MYH11: variants seen among roughly 807,000 people sequenced by gnomAD.
MYH11 encodes myosin-11.
MYH11 carries 80 observed loss-of-function variants against 246.6 expected under a neutral mutation model. The ratio of observed to expected loss-of-function variants is 0.32; its 90% CI spans 0.27 to 0.39. The LOEUF is 0.39. Ranked by LOEUF, MYH11 falls within the 10% of genes least tolerant of loss-of-function variation. MYH11 has a pLI of 1.00. For missense variants in MYH11, 2,158 were observed against 2,546.8 expected (o/e 0.85, Z 3.29); for synonymous variants, 1,071 against 1,015.5 (o/e 1.05, Z -1.04).
chr16:15,827,976 C>T lies in MYH11; in HGVS notation c.346-4565G>A, dbSNP rs80193254. Among the ~76,000 whole-genome samples the T allele has an allele frequency of 9.3e-3, 1,420 of 152,328 alleles. 18 individuals are homozygous for T. Among genetic ancestry groups the T allele is most frequent in the Non-Finnish European group, 0.015 (1,039 of 68,026 alleles). On this transcript the variant is annotated intron_variant, in intron 2 of 40. Transcript: ENST00000300036. ...ACTCCATCTCCAGCTCCTCTGGGGCCATGTCCACTGCCACGCCCCTTTTGA... is the reference window on the plus strand; with the variant it reads ...ACTCCATCTCCAGCTCCTCTGGGGCTATGTCCACTGCCACGCCCCTTTTGA...
In MYH11 at chr16:15,828,709, C is replaced by T. The variant is rs987554620; in HGVS notation, c.346-5298G>A. Among the ~76,000 whole-genome samples the T allele has an allele frequency of 7.3e-5, 11 of 150,572 alleles. No individual in the cohort carries two copies. In the South Asian group the frequency reaches 1.0e-3, roughly 14 times the overall value. ...TCGGGAGGCCGAGGTAGGAGAATCA[C>T]TTGAACCCAGGAGGTGGAGGTTATA... is the stretch of plus-strand genomic sequence containing the variant. On this transcript the variant is annotated intron_variant, in intron 2 of 40. Coordinates refer to ENST00000300036, the MANE Select transcript of MYH11 (RefSeq NM_002474.3).
At chr16:15,760,126 C>G (rs1251637340) in intron 11 of MYH11, among the ~76,000 whole-genome samples, 2 of 151,244 alleles carry the variant, frequency 1.3e-5, no homozygotes, top group Non-Finnish European at 3.0e-5. Flanking sequence ...ACAAACAAAA[C>G]CTGACATGGG....
intron 20 of MYH11, among the ~76,000 whole-genome samples, chr16:15,744,133 A>C (rs80015724): frequency 7.2e-5 from 11 of 151,942 alleles, no homozygotes; most frequent in South Asian, 4.2e-4. Context: ...AAAAAAAAAA[A>C]CCTGCAGTAT....
intron 5 of MYH11, chr16:15,784,589 C>T: frequency 8.3e-7 from 1 of 1,199,530 alleles, no homozygotes; most frequent in African/African-American, 1.5e-5. Flanking sequence ...TAGGGCCTAC[C>T]CCATTTCTAC....
At chr16:15,830,265 T>A (rs1298785449) in intron 2 of MYH11, among the ~76,000 whole-genome samples, 2 of 152,228 alleles carry the variant, frequency 1.3e-5, no homozygotes, top group African/African-American at 4.8e-5. Context: ...TTTATGAAGC[T>A]GCAGTGCAAT....
rs142272415 is a variant in MYH11 at position 15,767,874 on chromosome 16, T to G, written c.1033+3695A>C. 2.4e-3 allele frequency among the ~76,000 whole-genome samples: 370 copies of G among 151,310 alleles called. 1 individual carries two copies. The highest frequency in any genetic ancestry group is 8.7e-3 in the African/African-American group (359 of 41,124). ...AGCCAGGACAGAGGCAAGGAACAGA[T>G]CTCCCTCAGTGCCTCCAGGAGGAAC... On this transcript the variant is annotated intron_variant, in intron 9 of 40. Transcript: ENST00000300036.
At chr16:15,738,326 T>C (rs1486829498) in intron 24 of MYH11, among the ~76,000 whole-genome samples, 1 of 151,872 alleles carries the variant, frequency 6.6e-6, no homozygotes, top group Admixed American at 6.6e-5. Flanking sequence ...AGCATCATAG[T>C]GAAACCCCAT....
intron 14 of MYH11, 72 bp from the exon 15 acceptor site, chr16:15,753,580 C>A (rs1464186063): frequency 1.5e-5 from 17 of 1,152,648 alleles, no homozygotes; most frequent in Middle Eastern, 1.9e-4. Context: ...AGGACCCCAG[C>A]CCTCCCATTG....
intron 25 of MYH11, among the ~76,000 whole-genome samples, chr16:15,737,010 A>G (rs1162014052): frequency 1.1e-4 from 16 of 152,170 alleles, no homozygotes; most frequent in Admixed American, 7.9e-4. Context: ...GTGGGTCGGC[A>G]GAAACAAAGG....
At position 15,714,911 on chromosome 16, in the gene MYH11, G is replaced by A; in HGVS notation, c.5784C>T (p.Leu1928=). The change falls in exon 40 of 41, where the codon CTC becomes CTT. Residue 1928 remains leucine, a splice_region_variant and synonymous_variant. Transcript: ENST00000300036. The part of the protein sequence containing the change: ...GREVNALKSK[L]RRGNETSFVP... ...CTCCCGGGCCACGGGCTCCTCACCT[G>A]AGCTTGCTCTTGAGTGCGTTCACCT... 1 of 1,613,788 alleles carries A rather than the reference G, an allele frequency of 6.2e-7. No homozygotes were observed. The highest frequency in any genetic ancestry group is 8.5e-7 in the Non-Finnish European group (1 of 1,180,034).
intron 4 of MYH11, among the ~76,000 whole-genome samples, chr16:15,793,378 T>C (rs560336233): frequency 6.6e-6 from 1 of 151,718 alleles, no homozygotes; most frequent in Non-Finnish European, 1.5e-5. Context: ...ACTTAGCCTC[T>C]AACTCCCAAG....
At position 15,776,060 on chromosome 16, in the gene MYH11, T is replaced by G. The variant is rs1157967152; in HGVS notation, c.889+18A>C. 1 of 1,561,124 alleles carries G rather than the reference T, an allele frequency of 6.4e-7. No individual in the cohort carries two copies. Among genetic ancestry groups the G allele is most frequent in the South Asian group, 1.1e-5 (1 of 90,002 alleles). On this transcript the variant is annotated intron_variant, in intron 8 of 40. Transcript: ENST00000300036. ...AAGGCTCAAGCCATCCAATCACATG[T>G]CATTGCTAGTCACTTACTTCTCATC...
intron 4 of MYH11, among the ~76,000 whole-genome samples, chr16:15,797,726 G>A (rs899133224): frequency 6.6e-6 from 1 of 151,898 alleles, no homozygotes; most frequent in Non-Finnish European, 1.5e-5. Context: ...GTGAACATGT[G>A]CAGAGTAAGG....
At chr16:15,770,096 C>T (rs1456865377) in intron 9 of MYH11, among the ~76,000 whole-genome samples, 2 of 140,056 alleles carry the variant, frequency 1.4e-5, no homozygotes, top group African/African-American at 5.7e-5. Context: ...AGATTAGAAG[C>T]AAAACTGACC....
Position 15,703,576 on chromosome 16 carries a change from C to G in MYH11, c.*415G>C, listed in dbSNP as rs1468443484. The G allele has an allele frequency of 5.8e-6, 2 of 347,050 alleles. No homozygotes were observed. The highest frequency in any genetic ancestry group is 4.1e-5 in the African/African-American group (2 of 48,924). The allele number at this position is 347,050 out of a possible 1,614,324, so 21.5% of individuals were successfully genotyped here. A position where few individuals can be genotyped will look rare whatever the true frequency, so the allele number is the denominator to read the frequency against. On this transcript the variant is annotated 3_prime_UTR_variant, in exon 41 of 41. Transcript: ENST00000300036. ...CAAACTTCAATTTTTACCTTGAATA[C>G]AGGGGTAGTAGGGGTGGTGGTGGTG...
chr16:15,839,118 G>A (rs553676499), intron 1 of MYH11, among the ~76,000 whole-genome samples: 1 of 149,824 alleles, frequency 6.7e-6, no homozygotes, highest in East Asian at 2.0e-4. Flanking sequence ...GCTGAGGTGG[G>A]AGAATCACCT....
In MYH11 at chr16:15,750,337, G is replaced by GAGGA; in HGVS notation, c.1865-7_1865-6insTCCT. 6.3e-7 allele frequency: 1 copy of GAGGA among 1,591,326 alleles called. No homozygotes were observed. Among genetic ancestry groups the GAGGA allele is most frequent in the Non-Finnish European group, 8.5e-7 (1 of 1,170,566 alleles). On this transcript the variant is annotated splice_polypyrimidine_tract_variant and splice_region_variant and intron_variant, in intron 15 of 40. Transcript: ENST00000300036. This position sits in a 1 kb window ranked among gnomAD's most constrained non-coding sequence, Gnocchi z 4.3. ...CAGGCCCACGATGCGGTCCACTATG[G>GAGGA]GGCACAGCCAGGGTGGCATCAGCCT... is the stretch of plus-strand genomic sequence containing the variant.
At chr16:15,836,654 C>A (rs972515565) in intron 2 of MYH11, among the ~76,000 whole-genome samples, 1 of 151,954 alleles carries the variant, frequency 6.6e-6, no homozygotes. Flanking sequence ...CCCACCTTGG[C>A]CTCCCAAAGT....
At chr16:15,719,426 G>A in intron 35 of MYH11, 118 bp from the exon 36 acceptor site, 5 of 1,456,372 alleles carry the variant, frequency 3.4e-6, no homozygotes, top group African/African-American at 1.4e-5. Flanking sequence ...GCTCAGGGGA[G>A]GCCCCGTGAA....
Sources: allele counts gnomAD v4.1 joint callset (sites outside exome capture counted in the v4.1 genomes callset), GRCh38; gene constraint gnomAD v4.1.1; non-coding constraint Gnocchi (gnomAD v3.1); transcripts MANE v1.5; gene names NCBI Gene and HGNC (gene_info 2026-07-23, HGNC 2026-07-21).